The following MBLAC1 variants were observed in gnomAD, a reference collection of about 807,000 sequenced individuals.
The protein encoded by MBLAC1 is metallo-beta-lactamase domain-containing protein 1.
In MBLAC1, 1 loss-of-function variant was observed where a neutral mutation model predicts 1.5. That is an observed-to-expected ratio of 0.68 (90% CI 0.24 to 3.21). MBLAC1 has a LOEUF of 3.21. MBLAC1 is among the 30% of genes most tolerant of loss of function. The pLI is 0.20. For synonymous variants in MBLAC1, 197 were observed against 191.3 expected, an observed-to-expected ratio of 1.03 and a Z score of -0.25; for missense variants, 371 against 384.7, an observed-to-expected ratio of 0.96 and a Z score of 0.30.
rs746707036 is a variant in MBLAC1, at chr7:100,127,537, CT to C, written c.143del (p.Leu48HisfsTer60). 24 of 1,530,792 alleles carry C rather than the reference CT, an allele frequency of 1.6e-5. No individual in the cohort carries two copies. Among genetic ancestry groups the C allele is most frequent in the Non-Finnish European group, 2.0e-5 (23 of 1,146,682 alleles). 94.8% of individuals were successfully genotyped at this position (1,530,792 alleles called of 1,614,324 possible). On this transcript the variant is annotated frameshift_variant, in exon 2 of 2. Transcript: ENST00000398075. LOFTEE classifies it high-confidence loss of function. The surrounding 1 kb of genome is among the most constrained non-coding windows in gnomAD (Gnocchi z 4.6). ...VRADGSVTLV[L>X]PQTRGPASSH... Reference sequence around the variant, plus strand: ...CGCCGACGGCTCCGTGACCCTGGTCCTACCCCAGACCCGGGGCCCGGCCTCC... The same window carrying C: ...CGCCGACGGCTCCGTGACCCTGGTCCACCCCAGACCCGGGGCCCGGCCTCC...
At position 100,127,346 on chromosome 7, in the gene MBLAC1, G is replaced by A. The variant is rs1301832275; in HGVS notation, c.-28-22G>A. On this transcript the variant is annotated intron_variant, in intron 1 of 1. Coordinates refer to ENST00000398075, the MANE Select transcript of MBLAC1 (RefSeq NM_203397.3). The surrounding 1 kb of genome is among the most constrained non-coding windows in gnomAD (Gnocchi z 4.6). ...CGGAGGGACAGGACGGTCGCCCACT[G>A]CTCCATTTCCTTTCTCCCCAGCCCG... 2 of 1,501,480 alleles carry A rather than the reference G, an allele frequency of 1.3e-6. No homozygotes were observed. The highest frequency in any genetic ancestry group is 1.2e-5 in the South Asian group (1 of 80,630). 93.0% of individuals were successfully genotyped at this position (1,501,480 alleles called of 1,614,324 possible).
At position 100,127,358 on chromosome 7, in the gene MBLAC1, TTC is replaced by T; in HGVS notation, c.-28-7_-28-6del. 6.5e-7 allele frequency: 1 copy of T among 1,533,510 alleles called. No homozygotes were observed. The highest frequency in any genetic ancestry group is 1.9e-5 in the Admixed American group (1 of 51,310). The allele number at this position is 1,533,510 out of a possible 1,614,324, so 95.0% of individuals were successfully genotyped here. A position where few individuals can be genotyped will look rare whatever the true frequency, so the allele number is the denominator to read the frequency against. On this transcript the variant is annotated splice_region_variant and splice_polypyrimidine_tract_variant and intron_variant, in intron 1 of 1. Transcript: ENST00000398075. This position sits in a 1 kb window ranked among gnomAD's most constrained non-coding sequence, Gnocchi z 4.6. ...ACGGTCGCCCACTGCTCCATTTCCT[TTC>T]TCCCCAGCCCGTCCCTCCCTGCCAG...
At position 100,128,084 on chromosome 7, in the gene MBLAC1, G is replaced by A; in HGVS notation, c.689G>A (p.Gly230Asp). Residue 230 changes from glycine to aspartate, a missense_variant, in exon 2 of 2, where the codon GGT becomes GAT. Gly to Asp is a moderately conservative substitution (Grantham distance 94). Coordinates refer to ENST00000398075, the MANE Select transcript of MBLAC1 (RefSeq NM_203397.3). Reference protein sequence around the residue: ...VLVVADVVVPGHGPPFRVLRE... With the variant: ...VLVVADVVVPDHGPPFRVLRE... Reference sequence around the variant, plus strand: ...GTCGTTGCCGACGTGGTCGTACCTGGTCACGGGCCCCCCTTTCGAGTGTTA... The same window carrying A: ...GTCGTTGCCGACGTGGTCGTACCTGATCACGGGCCCCCCTTTCGAGTGTTA... 2 of 1,611,150 alleles carry A rather than the reference G, an allele frequency of 1.2e-6. No homozygotes were observed. The highest frequency in any genetic ancestry group is 1.7e-6 in the Non-Finnish European group (2 of 1,178,946).
rs753364664 is a variant in MBLAC1 at position 100,127,440 on chromosome 7, C to T, written c.45C>T (p.Pro15=). The T allele has an allele frequency of 1.9e-6, 3 of 1,594,008 alleles. No homozygotes were observed. The highest frequency in any genetic ancestry group is 2.5e-6 in the Non-Finnish European group (3 of 1,177,700). The change falls in exon 2 of 2, where the codon CCC becomes CCT. Residue 15 remains proline (P), a synonymous_variant. Transcript: ENST00000398075. The surrounding 1 kb of genome is among the most constrained non-coding windows in gnomAD (Gnocchi z 4.6). The part of the protein sequence containing the change: ...PLCGASPLLV[P]GDPYSVVVLL... ...GCGGGGCATCCCCTCTGCTGGTGCC[C>T]GGCGACCCCTACTCTGTGGTGGTTC... is the stretch of plus-strand genomic sequence containing the variant.
In MBLAC1 at chr7:100,127,440, C is replaced by G; in HGVS notation, c.45C>G (p.Pro15=). ...GCGGGGCATCCCCTCTGCTGGTGCC[C>G]GGCGACCCCTACTCTGTGGTGGTTC... is the stretch of plus-strand genomic sequence containing the variant. ...PLCGASPLLV[P]GDPYSVVVLL... is the part of the protein sequence containing the mutation. Residue 15 remains proline (P), a synonymous_variant, in exon 2 of 2, where the codon CCC becomes CCG. Transcript: ENST00000398075. This position sits in a 1 kb window ranked among gnomAD's most constrained non-coding sequence, Gnocchi z 4.6. 6 of 1,594,010 alleles carry G rather than the reference C, an allele frequency of 3.8e-6. No individual in the cohort carries two copies. Among genetic ancestry groups the G allele is most frequent in the Non-Finnish European group, 5.1e-6 (6 of 1,177,700 alleles).
chr7:100,127,957 G>A lies in MBLAC1; in HGVS notation c.562G>A (p.Val188Met). ...VVAGTALGTV[V>M]VAGDVFERDG... Reference sequence around the variant, plus strand: ...GGCCGGCACGGCTCTGGGCACCGTGGTGGTGGCGGGAGATGTGTTTGAGCG... The same window carrying A: ...GGCCGGCACGGCTCTGGGCACCGTGATGGTGGCGGGAGATGTGTTTGAGCG... Residue 188 changes from valine to methionine, a missense_variant, in exon 2 of 2, where the codon GTG (valine) becomes ATG (methionine). Transcript: ENST00000398075. The surrounding 1 kb of genome is among the most constrained non-coding windows in gnomAD (Gnocchi z 4.6). The A allele has an allele frequency of 6.2e-7, 1 of 1,605,780 alleles. No homozygotes were observed. The highest frequency in any genetic ancestry group is 8.5e-7 in the Non-Finnish European group (1 of 1,176,318).
In MBLAC1 at chr7:100,127,296, G is replaced by C. The variant is rs1798249622; in HGVS notation, c.-28-72G>C. 10 of 1,200,554 alleles carry C rather than the reference G, an allele frequency of 8.3e-6. No homozygotes were observed. Among genetic ancestry groups the C allele is most frequent in the African/African-American group, 1.6e-5 (1 of 63,254 alleles). The allele number at this position is 1,200,554 out of a possible 1,614,324, so 74.4% of individuals were successfully genotyped here. On this transcript the variant is annotated intron_variant, in intron 1 of 1. Coordinates refer to ENST00000398075, the MANE Select transcript of MBLAC1 (RefSeq NM_203397.3). The surrounding 1 kb of genome is among the most constrained non-coding windows in gnomAD (Gnocchi z 4.6). The stretch of plus-strand genomic sequence containing the variant: ...AGAACCGAGGCTTAGGGGCAGTGGC[G>C]GGGCCGAGCGCGGGTGGGGGATCGC...
chr7:100,127,726 GT>G lies in MBLAC1; in HGVS notation c.332del (p.Val111GlyfsTer65). ...GVAPGDVTLVVGTHGHSDHIG... is the reference protein window; with the variant it reads ...GVAPGDVTLVXGTHGHSDHIG... ...GGCCCCGGGAGACGTGACGCTAGTG[GT>G]GGGGACCCACGGGCACTCGGATCAC... On this transcript the variant is annotated frameshift_variant, in exon 2 of 2. Coordinates refer to ENST00000398075, the MANE Select transcript of MBLAC1 (RefSeq NM_203397.3). LOFTEE classifies it high-confidence loss of function. This position sits in a 1 kb window ranked among gnomAD's most constrained non-coding sequence, Gnocchi z 4.6. 1 of 1,492,398 alleles carries G rather than the reference GT, an allele frequency of 6.7e-7. No homozygotes were observed. Among genetic ancestry groups the G allele is most frequent in the Non-Finnish European group, 8.9e-7 (1 of 1,122,844 alleles). 92.4% of individuals were successfully genotyped at this position (1,492,398 alleles called of 1,614,324 possible). A position where few individuals can be genotyped will look rare whatever the true frequency, so the allele number is the denominator to read the frequency against.
At position 100,128,446 on chromosome 7, in the gene MBLAC1, A is replaced by G; in HGVS notation, c.*250A>G. The G allele has an allele frequency of 2.1e-6, 1 of 472,106 alleles. No homozygotes were observed. Among genetic ancestry groups the G allele is most frequent in the East Asian group, 3.3e-5 (1 of 30,098 alleles). The allele number at this position is 472,106 out of a possible 1,614,324, so 29.2% of individuals were successfully genotyped here. The stretch of plus-strand genomic sequence containing the variant: ...TCCCTGGGCCTCAGTAAAATGGGAG[A>G]AGGTTCGTGGGAGGGGCCTCCAAAA... On this transcript the variant is annotated 3_prime_UTR_variant, in exon 2 of 2. Transcript: ENST00000398075.
chr7:100,127,203 G>T lies in MBLAC1; in HGVS notation c.-29+139G>T, dbSNP rs117236675. The T allele has an allele frequency of 2.5e-3, 1,413 of 571,712 alleles. 23 individuals carry two copies. The highest frequency in any genetic ancestry group is 0.021 in the East Asian group (614 of 29,710). 35.4% of individuals were successfully genotyped at this position (571,712 alleles called of 1,614,324 possible). Reference sequence around the variant, plus strand: ...GGAGGGGCGGGCCCAAGTGTGAAGGGAGTCTGGGCGATACCATTTTGGGCA... The same window carrying T: ...GGAGGGGCGGGCCCAAGTGTGAAGGTAGTCTGGGCGATACCATTTTGGGCA... On this transcript the variant is annotated intron_variant, in intron 1 of 1. Transcript: ENST00000398075. The surrounding 1 kb of genome is among the most constrained non-coding windows in gnomAD (Gnocchi z 4.6).
chr7:100,127,205 G>C lies in MBLAC1; in HGVS notation c.-29+141G>C. On this transcript the variant is annotated intron_variant, in intron 1 of 1. Coordinates refer to ENST00000398075, the MANE Select transcript of MBLAC1 (RefSeq NM_203397.3). This position sits in a 1 kb window ranked among gnomAD's most constrained non-coding sequence, Gnocchi z 4.6. ...AGGGGCGGGCCCAAGTGTGAAGGGAGTCTGGGCGATACCATTTTGGGCAGG... is the reference window on the plus strand; with the variant it reads ...AGGGGCGGGCCCAAGTGTGAAGGGACTCTGGGCGATACCATTTTGGGCAGG... The C allele has an allele frequency of 1.7e-6, 1 of 579,274 alleles. No homozygotes were observed. Among genetic ancestry groups the C allele is most frequent in the Non-Finnish European group, 3.0e-6 (1 of 337,138 alleles). The allele number at this position is 579,274 out of a possible 1,614,324, so 35.9% of individuals were successfully genotyped here.
At position 100,128,404 on chromosome 7, in the gene MBLAC1, C is replaced by T; in HGVS notation, c.*208C>T. 3.5e-6 allele frequency: 2 copies of T among 579,464 alleles called. No homozygotes were observed. Among genetic ancestry groups the T allele is most frequent in the Non-Finnish European group, 6.2e-6 (2 of 320,288 alleles). 35.9% of individuals were successfully genotyped at this position (579,464 alleles called of 1,614,324 possible). ...CCAAACTAAGATCAAAGGAGGGGCTCAGCTCCCTGTGCATTCTCCCTGGGC... is the reference window on the plus strand; with the variant it reads ...CCAAACTAAGATCAAAGGAGGGGCTTAGCTCCCTGTGCATTCTCCCTGGGC... On this transcript the variant is annotated 3_prime_UTR_variant, in exon 2 of 2. Coordinates refer to ENST00000398075, the MANE Select transcript of MBLAC1 (RefSeq NM_203397.3).
chr7:100,128,234 C>T lies in MBLAC1; in HGVS notation c.*38C>T, dbSNP rs1217662141. ...GGGACTGCACTCTTGTCAGGGAAGCCCTAACAGCGAAGAGCTGCTGGAGAC... is the reference window on the plus strand; with the variant it reads ...GGGACTGCACTCTTGTCAGGGAAGCTCTAACAGCGAAGAGCTGCTGGAGAC... On this transcript the variant is annotated 3_prime_UTR_variant, in exon 2 of 2. Transcript: ENST00000398075. 3.3e-6 allele frequency: 5 copies of T among 1,517,478 alleles called. No individual in the cohort carries two copies. Among genetic ancestry groups the T allele is most frequent in the Non-Finnish European group, 4.4e-6 (5 of 1,123,922 alleles). The allele number at this position is 1,517,478 out of a possible 1,614,324, so 94.0% of individuals were successfully genotyped here.
At position 100,127,545 on chromosome 7, in the gene MBLAC1, G is replaced by C. The variant is rs375363658; in HGVS notation, c.150G>C (p.Gln50His). ...ADGSVTLVLP[Q>H]TRGPASSHRE... is the part of the protein sequence containing the mutation. ...GCTCCGTGACCCTGGTCCTACCCCA[G>C]ACCCGGGGCCCGGCCTCCAGCCACC... The change falls in exon 2 of 2, where the codon CAG becomes CAC. Residue 50 changes from glutamine (Q) to histidine (H), a missense_variant. By Grantham distance (24) the Gln-to-His change is conservative (BLOSUM62 0). Transcript: ENST00000398075. This position sits in a 1 kb window ranked among gnomAD's most constrained non-coding sequence, Gnocchi z 4.6. 1 of 1,497,798 alleles carries C rather than the reference G, an allele frequency of 6.7e-7. No individual in the cohort carries two copies. The highest frequency in any genetic ancestry group is 2.4e-4 in the Middle Eastern group (1 of 4,148). 92.8% of individuals were successfully genotyped at this position (1,497,798 alleles called of 1,614,324 possible). A position where few individuals can be genotyped will look rare whatever the true frequency, so the allele number is the denominator to read the frequency against.
At position 100,128,306 on chromosome 7, in the gene MBLAC1, C is replaced by T. The variant is rs1798284584; in HGVS notation, c.*110C>T. The T allele has an allele frequency of 9.9e-7, 1 of 1,012,976 alleles. No homozygotes were observed. Among genetic ancestry groups the T allele is most frequent in the Non-Finnish European group, 1.4e-6 (1 of 697,786 alleles). The allele number at this position is 1,012,976 out of a possible 1,614,324, so 62.7% of individuals were successfully genotyped here. A position where few individuals can be genotyped will look rare whatever the true frequency, so the allele number is the denominator to read the frequency against. Reference sequence around the variant, plus strand: ...GGGAGCTTCCAGCCCTTCCAGGAGGCCAGTTTTCTAGTGAAGACAGAGTGC... The same window carrying T: ...GGGAGCTTCCAGCCCTTCCAGGAGGTCAGTTTTCTAGTGAAGACAGAGTGC... On this transcript the variant is annotated 3_prime_UTR_variant, in exon 2 of 2. Transcript: ENST00000398075.
At position 100,127,948 on chromosome 7, in the gene MBLAC1, G is replaced by A. The variant is rs771870834; in HGVS notation, c.553G>A (p.Gly185Ser). The A allele has an allele frequency of 3.7e-6, 6 of 1,602,120 alleles. No homozygotes were observed. Among genetic ancestry groups the A allele is most frequent in the Non-Finnish European group, 5.1e-6 (6 of 1,174,454 alleles). Reference sequence around the variant, plus strand: ...CGTGGTGGTGGCCGGCACGGCTCTGGGCACCGTGGTGGTGGCGGGAGATGT... The same window carrying A: ...CGTGGTGGTGGCCGGCACGGCTCTGAGCACCGTGGTGGTGGCGGGAGATGT... The part of the protein sequence containing the change: ...VSVVVAGTAL[G>S]TVVVAGDVFE... The change falls in exon 2 of 2, where the codon GGC becomes AGC. Residue 185 changes from glycine (G) to serine (S), a missense_variant. Transcript: ENST00000398075. The surrounding 1 kb of genome is among the most constrained non-coding windows in gnomAD (Gnocchi z 4.6).
rs1236549592 is a variant in MBLAC1, at chr7:100,128,039, G to A, written c.644G>A (p.Arg215Gln). The A allele has an allele frequency of 3.1e-6, 5 of 1,613,518 alleles. No individual in the cohort carries two copies. Among genetic ancestry groups the A allele is most frequent in the Non-Finnish European group, 4.2e-6 (5 of 1,179,822 alleles). ...ALSEDPAAQE[R>Q]SRKRVLVVAD... ...AGTGAAGACCCCGCAGCCCAGGAGC[G>A]GAGCCGGAAGAGGGTCCTGGTCGTT... Residue 215 changes from arginine to glutamine, a missense_variant, in exon 2 of 2, where the codon CGG becomes CAG. Transcript: ENST00000398075.
chr7:100,128,224 T>G lies in MBLAC1; in HGVS notation c.*28T>G. On this transcript the variant is annotated 3_prime_UTR_variant, in exon 2 of 2. Transcript: ENST00000398075. ...AGCCTCGAGAGGGACTGCACTCTTG[T>G]CAGGGAAGCCCTAACAGCGAAGAGC... 1 of 1,537,598 alleles carries G rather than the reference T, an allele frequency of 6.5e-7. No individual in the cohort carries two copies. Among genetic ancestry groups the G allele is most frequent in the Non-Finnish European group, 8.8e-7 (1 of 1,136,282 alleles).
Position 100,127,288 on chromosome 7 carries a change from G to C in MBLAC1, c.-28-80G>C. On this transcript the variant is annotated intron_variant, in intron 1 of 1. Transcript: ENST00000398075. The surrounding 1 kb of genome is among the most constrained non-coding windows in gnomAD (Gnocchi z 4.6). ...GGTGGCAGAGAACCGAGGCTTAGGG[G>C]CAGTGGCGGGGCCGAGCGCGGGTGG... 9.3e-7 allele frequency: 1 copy of C among 1,075,394 alleles called. No homozygotes were observed. Among genetic ancestry groups the C allele is most frequent in the Non-Finnish European group, 1.3e-6 (1 of 766,494 alleles). 66.6% of individuals were successfully genotyped at this position (1,075,394 alleles called of 1,614,324 possible).
Sources: allele counts gnomAD v4.1 joint callset, GRCh38; gene constraint gnomAD v4.1.1; non-coding constraint Gnocchi (gnomAD v3.1); transcripts MANE v1.5; gene names NCBI Gene and HGNC (gene_info 2026-07-23, HGNC 2026-07-21).